SLC5A4: variants seen among roughly 807,000 people sequenced by gnomAD.
The protein encoded by SLC5A4 is solute carrier family 5 member 4, also known as probable glucose sensor protein SLC5A4.
A neutral mutation model predicts 70.3 loss-of-function variants in SLC5A4; 55 were observed. That is an observed-to-expected ratio of 0.78 (90% CI 0.63 to 0.98). SLC5A4 has a LOEUF of 0.98. Among genes scored for constraint, SLC5A4 ranks in the 50% least tolerant of loss-of-function variants. SLC5A4 has a pLI of 0.00. For missense variants in SLC5A4, 735 were observed against 839.2 expected (o/e 0.88, Z 1.53); for synonymous variants, 268 against 305.7 (o/e 0.88, Z 1.29).
At chr22:32,344,962 T>C in the SLC5A4 span, among the ~76,000 whole-genome samples, 1 of 152,190 alleles carries the variant, frequency 6.6e-6, no homozygotes, top group South Asian at 2.1e-4. Flanking sequence ...TGTATACAGC[T>C]AATTTAAGAA....
chr22:32,221,570 G>A (rs1360196106), intron 13 of SLC5A4, among the ~76,000 whole-genome samples: 2 of 151,932 alleles, frequency 1.3e-5, no homozygotes, highest in Non-Finnish European at 2.9e-5. Flanking sequence ...AAACTATTAT[G>A]CTTTATATAA....
the SLC5A4 span, among the ~76,000 whole-genome samples, chr22:32,265,368 A>G: frequency 6.6e-6 from 1 of 152,168 alleles, no homozygotes; most frequent in East Asian, 1.9e-4. Flanking sequence ...AGCCTGGGCA[A>G]CAGAGCAAGA....
chr22:32,285,114 A>C, the SLC5A4 span: 1 of 152,182 alleles, frequency 6.6e-6, no homozygotes, highest in South Asian at 2.1e-4. Context: ...AGTGTTAATA[A>C]ATTTTATAAT....
the SLC5A4 span, among the ~76,000 whole-genome samples, chr22:32,307,051 C>T: frequency 1.3e-5 from 2 of 152,156 alleles, no homozygotes; most frequent in African/African-American, 4.8e-5. Context: ...GGTCATTCAA[C>T]AGGGTACCTC....
the SLC5A4 span, among the ~76,000 whole-genome samples, chr22:32,337,395 G>A: frequency 6.6e-6 from 1 of 152,202 alleles, no homozygotes; most frequent in Non-Finnish European, 1.5e-5. Context: ...TTAGCTGGGT[G>A]TGGTGACACA....
At chr22:32,330,672 AGGGGGCTCTGGTGTGTGTGTT>A in the SLC5A4 span, among the ~76,000 whole-genome samples, 18 of 24,456 alleles carry the variant, frequency 7.4e-4, no homozygotes, top group South Asian at 0.023. Flanking sequence ...TGTGTGTGTT[AGGGGGCTCTGGTGTGTGTGTT>A]GGGGGCTCTG....
At chr22:32,306,473 A>AC in the SLC5A4 span, among the ~76,000 whole-genome samples, 2 of 150,238 alleles carry the variant, frequency 1.3e-5, no homozygotes, top group African/African-American at 4.9e-5. Flanking sequence ...CTCAAAAAAA[A>AC]AAAACAAAAA....
At chr22:32,255,372 T>TTATA (rs778473044), upstream of SLC5A4, 28 of 1,602,452 alleles carry the variant, frequency 1.7e-5, no homozygotes, top group Non-Finnish European at 2.4e-5. Context: ...TGAGCCATCT[T>TTATA]TATATAAGTT....
At chr22:32,326,136 C>T in the SLC5A4 span, among the ~76,000 whole-genome samples, 7 of 152,202 alleles carry the variant, frequency 4.6e-5, no homozygotes, top group Admixed American at 4.6e-4. Flanking sequence ...CAGACAAAAG[C>T]AGAGGAGTCA....
At chr22:32,341,771 G>A in the SLC5A4 span, among the ~76,000 whole-genome samples, 12 of 152,186 alleles carry the variant, frequency 7.9e-5, no homozygotes, top group Admixed American at 2.0e-4. Flanking sequence ...TCTGCCTAAC[G>A]CTGCCTTTCT....
chr22:32,219,070 A>C (rs1425733961), intron 14 of SLC5A4, among the ~76,000 whole-genome samples: 2 of 152,250 alleles, frequency 1.3e-5, no homozygotes, highest in African/African-American at 4.8e-5. Context: ...ATGAATAAAC[A>C]GTTGAAAGAA....
chr22:32,228,616 G>T (rs2179065), intron 11 of SLC5A4, among the ~76,000 whole-genome samples: 1 of 151,602 alleles, frequency 6.6e-6, no homozygotes, highest in African/African-American at 2.4e-5. Flanking sequence ...TTCTGGTATC[G>T]ATTTTTTTCC....
chr22:32,241,594 C>T (rs569402937), intron 5 of SLC5A4, among the ~76,000 whole-genome samples: 1 of 152,026 alleles, frequency 6.6e-6, no homozygotes, highest in East Asian at 1.9e-4. Context: ...CCTGTAATCC[C>T]AGCACTTTGG....
rs1266034699 is a variant in SLC5A4 at position 32,220,474 on chromosome 22, A to AT, written c.1768+445dup. ...TAGAACTTAGTTTTAAAGAATAAGC[A>AT]TTTTTTTTCCCCTTGGACAGGAGGT... On this transcript the variant is annotated intron_variant, in intron 14 of 14. Transcript: ENST00000266086. 5.3e-5 allele frequency among the ~76,000 whole-genome samples: 8 copies of AT among 152,162 alleles called. No individual in the cohort carries two copies. In the South Asian group the frequency reaches 8.3e-4, roughly 16 times the overall value.
chr22:32,248,819 TA>T lies in SLC5A4; in HGVS notation c.313-18del, dbSNP rs762962819. On this transcript the variant is annotated intron_variant, in intron 3 of 14. Coordinates refer to ENST00000266086, the MANE Select transcript of SLC5A4 (RefSeq NM_014227.3). ...TACTGAGGACTACAAGGAACCAAAA[TA>T]AGAGACAGTGAGACATTAAAGAGGC... is the stretch of plus-strand genomic sequence containing the variant. 1.9e-5 allele frequency: 30 copies of T among 1,572,506 alleles called. No individual in the cohort carries two copies. In the South Asian group the frequency reaches 3.1e-4, roughly 16 times the overall value.
the SLC5A4 span, among the ~76,000 whole-genome samples, chr22:32,317,365 A>C: frequency 1.3e-5 from 2 of 152,218 alleles, no homozygotes; most frequent in Non-Finnish European, 2.9e-5. Context: ...AAACCTAAGA[A>C]AGACATACAA....
chr22:32,291,197 TTGAC>T, the SLC5A4 span, among the ~76,000 whole-genome samples: 1 of 140,390 alleles, frequency 7.1e-6, no homozygotes, highest in Admixed American at 7.8e-5. Context: ...TACTTTGTGT[TTGAC>T]TGTTCTTTTT....
the SLC5A4 span, chr22:32,269,474 G>C: frequency 1.9e-6 from 1 of 537,050 alleles, no homozygotes. The surrounding 1 kb of genome is among the most constrained non-coding windows in gnomAD (Gnocchi z 4.1). Flanking sequence ...CATCCTGTTC[G>C]AGCCCAACCA....
the SLC5A4 span, among the ~76,000 whole-genome samples, chr22:32,294,652 C>A: frequency 3.0e-5 from 4 of 131,800 alleles, no homozygotes; most frequent in Admixed American, 2.5e-4. Context: ...TATATAAATA[C>A]AATGGTGGTT....
Sources: allele counts gnomAD v4.1 joint callset (sites outside exome capture counted in the v4.1 genomes callset), GRCh38; gene constraint gnomAD v4.1.1; non-coding constraint Gnocchi (gnomAD v3.1); transcripts MANE v1.5; gene names NCBI Gene and HGNC (gene_info 2026-07-23, HGNC 2026-07-21).